The following PTPRD variants were observed in gnomAD, a reference collection of about 807,000 sequenced individuals.
PTPRD encodes the protein protein tyrosine phosphatase receptor type D.
PTPRD carries 34 observed loss-of-function variants against 214.5 expected under a neutral mutation model. The observed-to-expected ratio is 0.16, with a 90% confidence interval of 0.12 to 0.21. PTPRD has a LOEUF of 0.21. Among genes scored for constraint, PTPRD ranks in the 10% least tolerant of loss-of-function variants. The pLI, the probability that PTPRD is intolerant of heterozygous loss-of-function variation, is 1.00. For missense variants in PTPRD, 2,545 were observed against 2,398.7 expected (o/e 1.06, Z -1.27); for synonymous variants, 1,128 against 845.7 (o/e 1.33, Z -5.79).
intron 7 of PTPRD, among the ~76,000 whole-genome samples, chr9:9,682,089 G>A (rs906676506): frequency 1.7e-4 from 26 of 151,712 alleles, no homozygotes; most frequent in Non-Finnish European, 2.9e-4. Context: ...TAACTTGCCA[G>A]CCCCTGGAAA....
At chr9:9,148,210 G>C (rs1267512680) in intron 10 of PTPRD, among the ~76,000 whole-genome samples, 1 of 152,044 alleles carries the variant, frequency 6.6e-6, no homozygotes, top group Non-Finnish European at 1.5e-5. Context: ...TACTTTAGAG[G>C]TTACTTTAAT....
chr9:10,173,735 G>C (rs1227982672), intron 3 of PTPRD, among the ~76,000 whole-genome samples: 1 of 151,778 alleles, frequency 6.6e-6, no homozygotes, highest in East Asian at 1.9e-4. Flanking sequence ...TTGTGCAGCT[G>C]TCAGTCCTCA....
At chr9:10,555,893 C>T (rs1464150263) in intron 2 of PTPRD, among the ~76,000 whole-genome samples, 1 of 151,834 alleles carries the variant, frequency 6.6e-6, no homozygotes, top group African/African-American at 2.4e-5. Flanking sequence ...ATAAAAAGGT[C>T]ATGGTGGGGC....
chr9:8,792,613 T>C (rs1453135243), intron 11 of PTPRD, among the ~76,000 whole-genome samples: 1 of 152,220 alleles, frequency 6.6e-6, no homozygotes, highest in East Asian at 1.9e-4. Flanking sequence ...AAGAGGGGCT[T>C]GTCATAGCCT....
At chr9:9,532,989 G>A (rs1317247913) in intron 8 of PTPRD, among the ~76,000 whole-genome samples, 1 of 152,158 alleles carries the variant, frequency 6.6e-6, no homozygotes, top group South Asian at 2.1e-4. Context: ...GAAGAATTCA[G>A]TGAAGACAGT....
intron 3 of PTPRD, among the ~76,000 whole-genome samples, chr9:10,097,237 A>G (rs1429439975): frequency 1.3e-5 from 2 of 148,838 alleles, no homozygotes; most frequent in Non-Finnish European, 3.0e-5. Flanking sequence ...TTTTGGTTCC[A>G]TATGAACTTT....
intron 2 of PTPRD, among the ~76,000 whole-genome samples, chr9:10,377,355 T>C (rs1472663563): frequency 1.3e-5 from 2 of 151,950 alleles, no homozygotes; most frequent in African/African-American, 4.8e-5. Context: ...TTTTGTTACA[T>C]ATGTATACAT....
At chr9:8,696,042 C>T (rs1403482562) in intron 12 of PTPRD, among the ~76,000 whole-genome samples, 1 of 152,162 alleles carries the variant, frequency 6.6e-6, no homozygotes, top group Non-Finnish European at 1.5e-5. Context: ...TGACACCTGA[C>T]ATAAGAGAGT....
At chr9:8,966,777 G>C (rs540187610) in intron 11 of PTPRD, among the ~76,000 whole-genome samples, 1 of 152,060 alleles carries the variant, frequency 6.6e-6, no homozygotes, top group South Asian at 2.1e-4. Context: ...GAACTAAAGA[G>C]CTTATGCACA....
At chr9:10,318,662 G>C (rs1448913079) in intron 3 of PTPRD, among the ~76,000 whole-genome samples, 1 of 151,814 alleles carries the variant, frequency 6.6e-6, no homozygotes, top group Non-Finnish European at 1.5e-5. Context: ...ACCCAGGCTG[G>C]AGTGCAGTGG....
intron 8 of PTPRD, among the ~76,000 whole-genome samples, chr9:9,488,613 G>A (rs1483611035): frequency 6.6e-6 from 1 of 152,108 alleles, no homozygotes; most frequent in Non-Finnish European, 1.5e-5. Flanking sequence ...TGGGGAAGAG[G>A]ATTCTAGGAA....
Position 10,157,357 on chromosome 9 carries a change from C to A in PTPRD, c.-544-123567G>T, listed in dbSNP as rs148235729. On this transcript the variant is annotated intron_variant, in intron 3 of 45. Transcript: ENST00000381196. ...ACAAATTCCTTCTTCATTTGCTTGTCTAAAAGGGATCTTATTTCTCCTTTG... is the reference window on the plus strand; with the variant it reads ...ACAAATTCCTTCTTCATTTGCTTGTATAAAAGGGATCTTATTTCTCCTTTG... 3.8e-3 allele frequency among the ~76,000 whole-genome samples: 576 copies of A among 152,250 alleles called. 3 individuals are homozygous for A. The highest frequency in any genetic ancestry group is 0.013 in the African/African-American group (546 of 41,538).
chr9:9,821,890 G>A (rs2050869001), intron 5 of PTPRD, among the ~76,000 whole-genome samples: 1 of 150,092 alleles, frequency 6.7e-6, no homozygotes, highest in Admixed American at 6.7e-5. Context: ...ATGTGTGCAT[G>A]ACTGAATACT....
chr9:9,859,700 G>A (rs1022625052), intron 5 of PTPRD, among the ~76,000 whole-genome samples: 2 of 152,134 alleles, frequency 1.3e-5, no homozygotes, highest in African/African-American at 4.8e-5. Context: ...TAATGCTCCT[G>A]AGATCTAGTC....
rs1463318899 is a variant in PTPRD at position 8,400,702 on chromosome 9, T to C, written c.4210+3835A>G. 2.6e-5 allele frequency among the ~76,000 whole-genome samples: 4 copies of C among 152,192 alleles called. No homozygotes were observed. The East Asian group carries it at 7.7e-4, about 29-fold the overall frequency. ...ACCAGGAATCAGAAGAGCTGGATTC[T>C]AGCAAGTTATATTATTTATATTCTG... On this transcript the variant is annotated intron_variant, in intron 36 of 45. Transcript: ENST00000381196.
chr9:10,132,146 T>C (rs2098895564), intron 3 of PTPRD, among the ~76,000 whole-genome samples: 1 of 152,114 alleles, frequency 6.6e-6, no homozygotes, highest in Admixed American at 6.6e-5. Context: ...TCTTAAGACA[T>C]TGGGTAATTT....
At chr9:9,883,032 C>T (rs774598532) in intron 5 of PTPRD, among the ~76,000 whole-genome samples, 3 of 152,070 alleles carry the variant, frequency 2.0e-5, no homozygotes, top group Non-Finnish European at 2.9e-5. Flanking sequence ...TCATTTGAAG[C>T]CAAGAAGATG....
chr9:9,633,306 A>G (rs2382037), intron 7 of PTPRD, among the ~76,000 whole-genome samples: 31,245 of 145,694 alleles, frequency 0.21, 4,016 homozygotes, highest in Non-Finnish European at 0.29. Flanking sequence ...CATCTCAGGG[A>G]AAAAAAAAAA....
intron 9 of PTPRD, among the ~76,000 whole-genome samples, chr9:9,394,389 G>T (rs1196125517): frequency 6.6e-6 from 1 of 152,134 alleles, no homozygotes; most frequent in African/African-American, 2.4e-5. Flanking sequence ...GTATATAAAA[G>T]CTCCTCCAGA....
Sources: allele counts gnomAD v4.1 joint callset (sites outside exome capture counted in the v4.1 genomes callset), GRCh38; gene constraint gnomAD v4.1.1; transcripts MANE v1.5; gene names NCBI Gene and HGNC (gene_info 2026-07-23, HGNC 2026-07-21).